The following ANKRD11 variants were observed in gnomAD, a reference collection of about 807,000 sequenced individuals.
ANKRD11 encodes ankyrin repeat domain 11, also known as ankyrin repeat domain-containing protein 11.
In ANKRD11, 17 loss-of-function variants were observed where a neutral mutation model predicts 195.7. That is an observed-to-expected ratio of 0.09 (90% CI 0.06 to 0.13). The LOEUF is 0.13. Among genes scored for constraint, ANKRD11 ranks in the 10% least tolerant of loss-of-function variants. The probability of loss-of-function intolerance (pLI) is 1.00; values close to 1 mark genes in which losing one functional copy is unlikely to be tolerated. For synonymous variants in ANKRD11, 1,953 were observed against 1,528.1 expected (o/e 1.28, Z -6.49); for missense variants, 3,735 against 3,566.1 (o/e 1.05, Z -1.21).
chr16:89,364,369 C>G (rs1567703109), intron 2 of ANKRD11, among the ~76,000 whole-genome samples: 1 of 152,188 alleles, frequency 6.6e-6, no homozygotes. Context: ...TCTTAAGACA[C>G]CATGTATTGT....
At chr16:89,395,336 G>T (rs1399810580) in intron 2 of ANKRD11, among the ~76,000 whole-genome samples, 1 of 152,244 alleles carries the variant, frequency 6.6e-6, no homozygotes, top group Non-Finnish European at 1.5e-5. Context: ...CGGTGTGGAA[G>T]GAACCCTGAC....
rs1340814893 is a variant in ANKRD11, at chr16:89,328,594, T to C, written c.-59-11516A>G. 7.5e-3 allele frequency among the ~76,000 whole-genome samples: 549 copies of C among 73,036 alleles called. 3 individuals are homozygous for C. Among genetic ancestry groups the C allele is most frequent in the Middle Eastern group, 0.026 (2 of 78 alleles). 47.9% of individuals were successfully genotyped at this position (73,036 alleles called of 152,430 possible). On this transcript the variant is annotated intron_variant, in intron 2 of 12. Coordinates refer to ENST00000301030, the MANE Select transcript of ANKRD11 (RefSeq NM_013275.6). ...GAGTGGACACACCCAGGCGTACGGGTGAATCTGCAGAGGCCCCTGCTGAGT... is the reference window on the plus strand; with the variant it reads ...GAGTGGACACACCCAGGCGTACGGGCGAATCTGCAGAGGCCCCTGCTGAGT...
At chr16:89,402,575 G>A (rs1463314812) in intron 2 of ANKRD11, among the ~76,000 whole-genome samples, 9 of 151,106 alleles carry the variant, frequency 6.0e-5, no homozygotes, top group Admixed American at 5.9e-4. Flanking sequence ...CCAGCTACTC[G>A]GGAGGCTGAG....
intron 1 of ANKRD11, among the ~76,000 whole-genome samples, chr16:89,432,279 CCCT>C (rs2043015703): frequency 2.1e-5 from 3 of 145,722 alleles, no homozygotes; most frequent in East Asian, 2.1e-4. Context: ...ACACACACAC[CCCT>C]GGAAAATAAA....
At chr16:89,390,587 C>CCTTG (rs1567738186) in intron 2 of ANKRD11, among the ~76,000 whole-genome samples, 1 of 152,088 alleles carries the variant, frequency 6.6e-6, no homozygotes, top group African/African-American at 2.4e-5. Flanking sequence ...GAGAACCTGA[C>CCTTG]CAAGGCACAT....
chr16:89,352,095 T>C (rs2039246345), intron 2 of ANKRD11, among the ~76,000 whole-genome samples: 2 of 151,434 alleles, frequency 1.3e-5, no homozygotes, highest in Non-Finnish European at 2.9e-5. Context: ...TTCAACATGT[T>C]GGTCAGATTG....
At chr16:89,477,123 CTAGT>C (rs2057285900) in intron 1 of ANKRD11, among the ~76,000 whole-genome samples, 1 of 151,682 alleles carries the variant, frequency 6.6e-6, no homozygotes, top group Non-Finnish European at 1.5e-5. Context: ...AGAGAATTAG[CTAGT>C]TAAATTTATA....
intron 2 of ANKRD11, among the ~76,000 whole-genome samples, chr16:89,374,501 T>C (rs1247578014): frequency 6.6e-6 from 1 of 152,224 alleles, no homozygotes. Flanking sequence ...TGTCAAGCCC[T>C]GCTCTGTGAG....
chr16:89,444,593 C>T (rs556088193), intron 1 of ANKRD11, among the ~76,000 whole-genome samples: 292 of 152,124 alleles, frequency 1.9e-3, no homozygotes, highest in Non-Finnish European at 3.5e-3. Context: ...TCTCCAAAAG[C>T]AAGGAAAAGA....
At chr16:89,444,808 A>G (rs2043709395) in intron 1 of ANKRD11, among the ~76,000 whole-genome samples, 1 of 152,128 alleles carries the variant, frequency 6.6e-6, no homozygotes, top group African/African-American at 2.4e-5. Context: ...AATGTAAAAA[A>G]AAGAGAAATT....
intron 9 of ANKRD11, among the ~76,000 whole-genome samples, 170 bp from the exon 10 acceptor site, chr16:89,275,361 C>T (rs542999664): frequency 6.6e-6 from 1 of 152,376 alleles, no homozygotes; most frequent in East Asian, 1.9e-4. Context: ...CTAGAAACCA[C>T]TATGTGCTGG....
chr16:89,297,250 T>C (rs879566798), intron 4 of ANKRD11, among the ~76,000 whole-genome samples: 1 of 152,144 alleles, frequency 6.6e-6, no homozygotes, highest in Non-Finnish European at 1.5e-5. Flanking sequence ...CATAGGAAAA[T>C]GTGCAACTCC....
At chr16:89,382,234 A>C (rs1283340680) in intron 2 of ANKRD11, among the ~76,000 whole-genome samples, 2 of 152,118 alleles carry the variant, frequency 1.3e-5, no homozygotes, top group East Asian at 3.9e-4. Flanking sequence ...GGCAGGAGTG[A>C]CCCAAGCAAA....
Position 89,444,694 on chromosome 16 carries a change from C to A in ANKRD11, c.-144-26326G>T, listed in dbSNP as rs544498643. ...GGCATAGTGGCTCACGCTTGTAATC[C>A]CAGCACTTTGGAAAACAGGAAGGAG... On this transcript the variant is annotated intron_variant, in intron 1 of 12. Coordinates refer to ENST00000301030, the MANE Select transcript of ANKRD11 (RefSeq NM_013275.6). Among the ~76,000 whole-genome samples, 6 of 152,188 alleles carry A rather than the reference C, an allele frequency of 3.9e-5. No individual in the cohort carries two copies. In the South Asian group the frequency reaches 1.2e-3, roughly 32 times the overall value.
At position 89,316,939 on chromosome 16, in the gene ANKRD11, C is replaced by T. The variant is rs761907083; in HGVS notation, c.81G>A (p.Gly27=). 50 of 1,613,332 alleles carry T rather than the reference C, an allele frequency of 3.1e-5. No homozygotes were observed. In the South Asian group the frequency reaches 5.3e-4, roughly 17 times the overall value. The part of the protein sequence containing the change: ...LSSDMVEKQT[G]KKDKDKVSLT... The stretch of plus-strand genomic sequence containing the variant: ...TGGGAGGGGGCAGCATTACCTTTTT[C>T]CCAGTCTGCTTCTCCACCATGTCGC... The change falls in exon 3 of 13, where the codon GGG becomes GGA. Residue 27 remains glycine (G), a synonymous_variant. Transcript: ENST00000301030.
chr16:89,441,701 A>AG (rs559936300), intron 1 of ANKRD11, among the ~76,000 whole-genome samples: 505 of 140,944 alleles, frequency 3.6e-3, no homozygotes, highest in African/African-American at 0.011. Context: ...CAGGAGGCGG[A>AG]CTATGCAGTG....
chr16:89,285,715 G>T lies in ANKRD11; in HGVS notation c.893-66C>A, dbSNP rs1393139974. On this transcript the variant is annotated intron_variant, in intron 8 of 12. Coordinates refer to ENST00000301030, the MANE Select transcript of ANKRD11 (RefSeq NM_013275.6). This position sits in a 1 kb window ranked among gnomAD's most constrained non-coding sequence, Gnocchi z 5.6. The stretch of plus-strand genomic sequence containing the variant: ...AACAGCTCTCCCCAGAATGGCAGAG[G>T]AGGGAGGCTCTGCAGATGTGTCTGC... 1.9e-6 allele frequency: 3 copies of T among 1,539,646 alleles called. No individual in the cohort carries two copies. The highest frequency in any genetic ancestry group is 2.7e-6 in the Non-Finnish European group (3 of 1,113,048).
chr16:89,357,991 T>G (rs957014990), intron 2 of ANKRD11, among the ~76,000 whole-genome samples: 15 of 152,366 alleles, frequency 9.8e-5, no homozygotes, highest in Admixed American at 1.3e-4. Flanking sequence ...CTGAAATCAA[T>G]CTCTTCAAAT....
chr16:89,399,129 G>A (rs941224032), intron 2 of ANKRD11, among the ~76,000 whole-genome samples: 10 of 152,182 alleles, frequency 6.6e-5, no homozygotes, highest in Admixed American at 1.3e-4. Context: ...CTCCGAACAC[G>A]GAGCAGGAGC....
Sources: allele counts gnomAD v4.1 joint callset (sites outside exome capture counted in the v4.1 genomes callset), GRCh38; gene constraint gnomAD v4.1.1; non-coding constraint Gnocchi (gnomAD v3.1); transcripts MANE v1.5; gene names NCBI Gene and HGNC (gene_info 2026-07-23, HGNC 2026-07-21).